Variants in MYO7A observed in about 807,000 individuals in gnomAD.
MYO7A encodes the protein unconventional myosin-VIIa.
MYO7A carries 210 observed loss-of-function variants against 263.8 expected under a neutral mutation model. That is an observed-to-expected ratio of 0.80 (90% CI 0.71 to 0.89). MYO7A has a LOEUF of 0.89. MYO7A is among the 40% of genes least tolerant of loss of function. MYO7A has a pLI of 0.00. For missense variants in MYO7A, 2,820 were observed against 2,968.3 expected (o/e 0.95, Z 1.16); for synonymous variants, 1,239 against 1,197.3 (o/e 1.03, Z -0.72).
At chr11:77,157,718 G>T (rs1952629475) in intron 8 of MYO7A, among the ~76,000 whole-genome samples, 1 of 152,232 alleles carries the variant, frequency 6.6e-6, no homozygotes, top group Non-Finnish European at 1.5e-5. Flanking sequence ...GGCACCTGAA[G>T]CGTATATGTG....
At chr11:77,203,992 G>A (rs1957256403) in intron 38 of MYO7A, 84 bp from the exon 39 acceptor site, 6 of 1,420,586 alleles carry the variant, frequency 4.2e-6, no homozygotes, top group East Asian at 5.0e-5. Context: ...TTCAGGTGAT[G>A]CAGGCCCTGT....
At chr11:77,173,724 T>C (rs2135415973) in intron 16 of MYO7A, among the ~76,000 whole-genome samples, 1 of 152,102 alleles carries the variant, frequency 6.6e-6, no homozygotes, top group African/African-American at 2.4e-5. Flanking sequence ...GGAAACAGTC[T>C]CCGGAAGCTG....
At chr11:77,196,366 CA>C (rs59969033) in intron 32 of MYO7A, among the ~76,000 whole-genome samples, 75 of 137,402 alleles carry the variant, frequency 5.5e-4, no homozygotes, top group Middle Eastern at 3.9e-3. Flanking sequence ...GACTCCTTCT[CA>C]AAAAAAAAAA....
intron 31 of MYO7A, among the ~76,000 whole-genome samples, chr11:77,192,743 TGTG>T (rs1407051162): frequency 6.6e-6 from 1 of 150,932 alleles, no homozygotes; most frequent in African/African-American, 2.4e-5. Flanking sequence ...TGTTGGTGAT[TGTG>T]ATGGAGGGAT....
intron 23 of MYO7A, 39 bp from the exon 24 acceptor site, chr11:77,181,912 G>A (rs782753476): frequency 8.8e-6 from 14 of 1,596,622 alleles, no homozygotes; most frequent in Admixed American, 1.7e-5. Context: ...AGCTTCCTGA[G>A]TAGCTGGGAC....
chr11:77,137,992 A>G (rs1314983624), intron 2 of MYO7A, among the ~76,000 whole-genome samples: 1 of 152,182 alleles, frequency 6.6e-6, no homozygotes, highest in Non-Finnish European at 1.5e-5. Context: ...AAAACATAGA[A>G]AAAAACATGA....
intron 3 of MYO7A, among the ~76,000 whole-genome samples, chr11:77,145,658 G>T (rs573305590): frequency 1.3e-5 from 2 of 152,178 alleles, no homozygotes; most frequent in South Asian, 4.1e-4. Flanking sequence ...TGTTCCACAC[G>T]GGACTGGAAA....
At chr11:77,165,483 G>GTC (rs1953450237) in intron 14 of MYO7A, among the ~76,000 whole-genome samples, 1 of 152,200 alleles carries the variant, frequency 6.6e-6, no homozygotes, top group Admixed American at 6.5e-5. Context: ...CTGGGTTCAA[G>GTC]TCTTAACTCT....
At chr11:77,208,941 A>G in intron 44 of MYO7A, 138 bp downstream of exon 44, 1 of 691,822 alleles carries the variant, frequency 1.4e-6, no homozygotes, top group Non-Finnish European at 2.5e-6. Flanking sequence ...TGCCAAGACC[A>G]CTGGAGCCCC....
At chr11:77,184,559 A>G (rs1555087065) in intron 26 of MYO7A, 29 bp from the exon 27 acceptor site, 3 of 1,547,676 alleles carry the variant, frequency 1.9e-6, no homozygotes, top group Non-Finnish European at 1.7e-6. Context: ...CCCTAACTTT[A>G]CCTGCCCTGT....
At chr11:77,174,162 C>T (rs561351496) in intron 16 of MYO7A, among the ~76,000 whole-genome samples, 101 of 152,284 alleles carry the variant, frequency 6.6e-4, no homozygotes, top group African/African-American at 2.3e-3. Context: ...CAGCCCAGCA[C>T]CTGCCTTCTA....
At position 77,214,696 on chromosome 11, in the gene MYO7A, AAC is replaced by A. The variant is rs1958049629; in HGVS notation, c.*2_*3del. ...AGCGGGGCTCCAGGAGCGGCAAGTG[AAC>A]AGTCACGGGGAGGTGCTGGTTCCAT... On this transcript the variant is annotated 3_prime_UTR_variant, in exon 49 of 49. Coordinates refer to ENST00000409709, the MANE Select transcript of MYO7A (RefSeq NM_000260.4). 6.4e-7 allele frequency: 1 copy of A among 1,568,166 alleles called. No individual in the cohort carries two copies. The highest frequency in any genetic ancestry group is 8.6e-7 in the Non-Finnish European group (1 of 1,157,212).
At chr11:77,145,956 C>T (rs574698826) in intron 3 of MYO7A, among the ~76,000 whole-genome samples, 2 of 152,328 alleles carry the variant, frequency 1.3e-5, no homozygotes, top group Admixed American at 1.3e-4. Context: ...CCCCCGCAGT[C>T]ACCAGCCAGC....
intron 15 of MYO7A, 31 bp from the exon 16 acceptor site, chr11:77,172,717 C>G: frequency 6.5e-7 from 1 of 1,547,082 alleles, no homozygotes; most frequent in Non-Finnish European, 8.7e-7. Flanking sequence ...GCAGGCACAG[C>G]CCCTCCCATC....
intron 27 of MYO7A, chr11:77,184,922 C>A: frequency 1.2e-6 from 1 of 856,816 alleles, no homozygotes; most frequent in African/African-American, 1.7e-5. Flanking sequence ...CTAAAACAGG[C>A]ATCCCTTGGA....
rs41298747 is a variant in MYO7A at position 77,199,663 on chromosome 11, C to T, written c.4697C>T (p.Thr1566Met). ...PCWSCRGAKTTAPSFTLATIK... is the reference protein window; with the variant it reads ...PCWSCRGAKTMAPSFTLATIK... The stretch of plus-strand genomic sequence containing the variant: ...TGGTCCTGCAGGGGAGCGAAAACGA[C>T]GGCCCCCAGCTTCACGCTGGCCACC... Residue 1566 changes from threonine to methionine, a missense_variant, in exon 35 of 49, where the codon ACG becomes ATG. Transcript: ENST00000409709. 8,654 of 1,612,946 alleles carry T rather than the reference C, an allele frequency of 5.4e-3. 33 individuals are homozygous for T. Among genetic ancestry groups the T allele is most frequent in the Middle Eastern group, 9.2e-3 (56 of 6,060 alleles).
intron 44 of MYO7A, 26 bp downstream of exon 44, chr11:77,208,829 C>G (rs1202107786): frequency 6.7e-7 from 1 of 1,485,662 alleles, no homozygotes; most frequent in Non-Finnish European, 9.2e-7. Context: ...CTCTAGTTGC[C>G]TTCGTGCACA....
chr11:77,165,109 G>T (rs898790665), intron 14 of MYO7A, among the ~76,000 whole-genome samples: 40 of 152,192 alleles, frequency 2.6e-4, no homozygotes, highest in Admixed American at 2.6e-3. Flanking sequence ...GTCTGTCAGA[G>T]CTTTAGTGAG....
chr11:77,192,404 G>A lies in MYO7A; in HGVS notation c.4152+126G>A, dbSNP rs1956162307. The stretch of plus-strand genomic sequence containing the variant: ...CTGGGGTGAGCCTGACTGCAACCAG[G>A]CACTCTTCAGGCTCCTGGATGGACA... On this transcript the variant is annotated intron_variant, in intron 31 of 48. Transcript: ENST00000409709. The A allele has an allele frequency of 6.3e-6, 6 of 949,848 alleles. No individual in the cohort carries two copies. The Admixed American group carries it at 1.2e-4, about 20-fold the overall frequency. The allele number at this position is 949,848 out of a possible 1,614,324, so 58.8% of individuals were successfully genotyped here.
Sources: allele counts gnomAD v4.1 joint callset (sites outside exome capture counted in the v4.1 genomes callset), GRCh38; gene constraint gnomAD v4.1.1; transcripts MANE v1.5; gene names NCBI Gene and HGNC (gene_info 2026-07-23, HGNC 2026-07-21).